BRD10: variants seen among roughly 807,000 people sequenced by gnomAD.
BRD10 encodes the protein uncharacterized bromodomain-containing protein 10.
chr9:5,924,650 A>G, the BRD10 span: 12 of 1,481,148 alleles, frequency 8.1e-6, no homozygotes, highest in South Asian at 1.5e-5. Context: ...AAAAAGTTTA[A>G]TGCTTACCTG....
At chr9:5,969,579 T>A in the BRD10 span, 2 of 643,348 alleles carry the variant, frequency 3.1e-6, no homozygotes, top group East Asian at 5.8e-5. Flanking sequence ...AGTCTCGCTC[T>A]GTCCCCCAGG....
At chr9:5,890,766 G>C in the BRD10 span, 1 of 152,074 alleles carries the variant, frequency 6.6e-6, no homozygotes, top group Non-Finnish European at 1.5e-5. Context: ...AATAAAGTTG[G>C]TTTCTTTCAT....
the BRD10 span, among the ~76,000 whole-genome samples, chr9:5,978,131 TCTC>T: frequency 1.3e-5 from 2 of 152,058 alleles, no homozygotes; most frequent in Admixed American, 1.3e-4. Flanking sequence ...CTGGATCAGC[TCTC>T]ATTTTTGATG....
At chr9:5,913,016 G>T in the BRD10 span, among the ~76,000 whole-genome samples, 2 of 152,204 alleles carry the variant, frequency 1.3e-5, no homozygotes, top group East Asian at 3.8e-4. Context: ...GGTGGTGACT[G>T]ATGCTTAAGA....
At chr9:5,998,853 C>G in the BRD10 span, among the ~76,000 whole-genome samples, 1 of 151,888 alleles carries the variant, frequency 6.6e-6, no homozygotes, top group African/African-American at 2.4e-5. Context: ...TAGAATTGTA[C>G]GAAGGATTTA....
At chr9:5,921,310 A>G in the BRD10 span, 2 of 1,613,888 alleles carry the variant, frequency 1.2e-6, no homozygotes, top group Non-Finnish European at 1.7e-6. Context: ...CTGGTGATGA[A>G]TTTATTTTTA....
At chr9:6,007,392 C>T in the BRD10 span, 5 of 1,610,420 alleles carry the variant, frequency 3.1e-6, no homozygotes, top group South Asian at 1.1e-5. Context: ...CCTGTCCGGG[C>T]TGCTGCGGGA....
the BRD10 span, among the ~76,000 whole-genome samples, chr9:5,879,323 T>A: frequency 1.3e-5 from 2 of 150,688 alleles, no homozygotes; most frequent in African/African-American, 4.9e-5. Flanking sequence ...ATTATCCGGG[T>A]GTGATGGTGC....
chr9:5,955,098 T>A, the BRD10 span, among the ~76,000 whole-genome samples: 11 of 151,710 alleles, frequency 7.3e-5, no homozygotes, highest in African/African-American at 2.2e-4. Flanking sequence ...CAAAAAAAAA[T>A]AATAATAAAA....
chr9:5,887,002 T>C, the BRD10 span, among the ~76,000 whole-genome samples: 2 of 152,044 alleles, frequency 1.3e-5, no homozygotes, highest in East Asian at 3.9e-4. Context: ...GTCGCGTCTG[T>C]AATCCCAGCA....
the BRD10 span, among the ~76,000 whole-genome samples, chr9:5,914,281 C>T: frequency 6.6e-6 from 1 of 152,028 alleles, no homozygotes; most frequent in Admixed American, 6.6e-5. Context: ...TGGAGGACAC[C>T]TGACCGTGTT....
chr9:5,927,280 CCTAAG>C, the BRD10 span, among the ~76,000 whole-genome samples: 1 of 152,168 alleles, frequency 6.6e-6, no homozygotes, highest in African/African-American at 2.4e-5. Context: ...CATCTCCCTA[CCTAAG>C]CTAACACCTC....
chr9:5,956,031 G>A, the BRD10 span, among the ~76,000 whole-genome samples: 97,632 of 151,888 alleles, frequency 0.64, 33,036 homozygotes, highest in Non-Finnish European at 0.78. Context: ...TGATCTTGCT[G>A]ACTTATGTAT....
At chr9:5,916,525 G>A in the BRD10 span, among the ~76,000 whole-genome samples, 12 of 147,022 alleles carry the variant, frequency 8.2e-5, no homozygotes, top group Admixed American at 8.3e-4. Flanking sequence ...ACATATGTGT[G>A]TATATATATG....
chr9:5,923,857 T>G, the BRD10 span, among the ~76,000 whole-genome samples: 1 of 152,320 alleles, frequency 6.6e-6, no homozygotes, highest in Middle Eastern at 3.4e-3. Context: ...TTGCCAAAGA[T>G]GGAAAACAAT....
At chr9:5,897,780 A>C in the BRD10 span, 1 of 827,794 alleles carries the variant, frequency 1.2e-6, no homozygotes, top group South Asian at 1.5e-5. Context: ...CCGGCTTCTG[A>C]TGCCTCTTTT....
At chr9:5,896,645 T>C in the BRD10 span, among the ~76,000 whole-genome samples, 1 of 152,246 alleles carries the variant, frequency 6.6e-6, no homozygotes, top group South Asian at 2.1e-4. Context: ...GAGTCAGTTC[T>C]GTCGATTTTG....
At chr9:5,953,979 A>G in the BRD10 span, 1 of 1,318,086 alleles carries the variant, frequency 7.6e-7, no homozygotes, top group Non-Finnish European at 1.1e-6. Flanking sequence ...CTGAAACAAA[A>G]AATTGAAAAA....
chr9:5,999,954 T>C, the BRD10 span, among the ~76,000 whole-genome samples: 2 of 152,200 alleles, frequency 1.3e-5, no homozygotes, highest in African/African-American at 4.8e-5. Flanking sequence ...GAGGGTATGT[T>C]GTCTGTGTTC....
Sources: allele counts gnomAD v4.1 joint callset (sites outside exome capture counted in the v4.1 genomes callset), GRCh38; gene constraint gnomAD v4.1.1; transcripts MANE v1.5; gene names NCBI Gene and HGNC (gene_info 2026-07-23, HGNC 2026-07-21).